Variants in TNFRSF10D observed in about 807,000 individuals in gnomAD.
TNFRSF10D encodes tumor necrosis factor receptor superfamily member 10D.
In TNFRSF10D, 28 loss-of-function variants were observed where a neutral mutation model predicts 42.1. The observed-to-expected ratio is 0.66, with a 90% CI of 0.49 to 0.91. The LOEUF is 0.91. Ranked by LOEUF, TNFRSF10D falls within the 40% of genes least tolerant of loss-of-function variation. The probability of loss-of-function intolerance (pLI) is 0.00; values close to 1 mark genes in which losing one functional copy is unlikely to be tolerated. For synonymous variants in TNFRSF10D, 186 were observed against 189.4 expected (o/e 0.98, Z 0.15); for missense variants, 503 against 486.1 (o/e 1.03, Z -0.33).
intron 1 of TNFRSF10D, among the ~76,000 whole-genome samples, chr8:23,157,510 C>G (rs112359338): frequency 5.5e-3 from 833 of 151,992 alleles, no homozygotes; most frequent in African/African-American, 0.017. Flanking sequence ...AGAAAGGAAT[C>G]AGTGTTCAGT....
At chr8:23,149,768 A>G (rs951853733) in intron 2 of TNFRSF10D, among the ~76,000 whole-genome samples, 47 of 151,970 alleles carry the variant, frequency 3.1e-4, no homozygotes, top group African/African-American at 1.1e-3. Context: ...ATCCCTGTCC[A>G]GCTTTGGAGA....
intron 1 of TNFRSF10D, among the ~76,000 whole-genome samples, chr8:23,158,989 T>C (rs528091135): frequency 5.2e-3 from 796 of 151,960 alleles, no homozygotes; most frequent in African/African-American, 0.016. Context: ...TCCCCAGCAA[T>C]GCTTCTTCTG....
intron 7 of TNFRSF10D, among the ~76,000 whole-genome samples, chr8:23,141,375 C>T (rs574542259): frequency 2.0e-5 from 3 of 151,874 alleles, no homozygotes; most frequent in East Asian, 1.9e-4. Flanking sequence ...CATGGTGGCA[C>T]GTGCCTGCAA....
rs758621384 is a variant in TNFRSF10D, at chr8:23,145,099, A to C, written c.737-10T>G. On this transcript the variant is annotated splice_polypyrimidine_tract_variant and intron_variant, in intron 5 of 8. Coordinates refer to ENST00000312584, the MANE Select transcript of TNFRSF10D (RefSeq NM_003840.5). ...GGACCTCCTCCACCACCTGGAAAAG[A>C]AGCAGTCTCCTGAGCAGGCGGGGAG... The C allele has an allele frequency of 3.1e-6, 5 of 1,614,028 alleles. No homozygotes were observed. Among genetic ancestry groups the C allele is most frequent in the South Asian group, 1.1e-5 (1 of 91,086 alleles).
chr8:23,152,344 G>A (rs951999674), intron 2 of TNFRSF10D, among the ~76,000 whole-genome samples: 1 of 152,104 alleles, frequency 6.6e-6, no homozygotes, highest in African/African-American at 2.4e-5. Context: ...AGAGAGAGAG[G>A]ACCCGTGGGA....
At chr8:23,161,927 G>A (rs1339721801) in intron 1 of TNFRSF10D, among the ~76,000 whole-genome samples, 1 of 152,224 alleles carries the variant, frequency 6.6e-6, no homozygotes, top group Non-Finnish European at 1.5e-5. Context: ...GCATGGACAT[G>A]TGGACACACG....
chr8:23,139,911 C>T lies in TNFRSF10D; in HGVS notation c.955-1651G>A, dbSNP rs563420098. ...CTGTAATCCCAGCACTTTGGGAGGC[C>T]GAGGCAGGCGGATCACGATGTCAAG... On this transcript the variant is annotated intron_variant, in intron 7 of 8. Coordinates refer to ENST00000312584, the MANE Select transcript of TNFRSF10D (RefSeq NM_003840.5). 4.1e-4 allele frequency among the ~76,000 whole-genome samples: 63 copies of T among 152,242 alleles called. 1 individual carries two copies. The South Asian group carries it at 0.011, about 26-fold the overall frequency.
chr8:23,154,339 T>G (rs1233804854), intron 2 of TNFRSF10D, among the ~76,000 whole-genome samples: 1 of 152,236 alleles, frequency 6.6e-6, no homozygotes, highest in Non-Finnish European at 1.5e-5. Context: ...TGTTGTACAG[T>G]CCTGCCTTCT....
intron 7 of TNFRSF10D, among the ~76,000 whole-genome samples, chr8:23,140,104 A>G (rs972102628): frequency 9.2e-5 from 14 of 152,216 alleles, no homozygotes; most frequent in African/African-American, 2.9e-4. Context: ...CCTGGCTAAC[A>G]CGGTGAAACC....
intron 3 of TNFRSF10D, 38 bp from the exon 4 acceptor site, chr8:23,147,110 CTGACA>C: frequency 6.4e-7 from 1 of 1,559,372 alleles, no homozygotes; most frequent in Non-Finnish European, 8.8e-7. Flanking sequence ...ATGTGTTTCC[CTGACA>C]TGTCTGTCCA....
chr8:23,151,630 C>T (rs189023519), intron 2 of TNFRSF10D, among the ~76,000 whole-genome samples: 7 of 151,886 alleles, frequency 4.6e-5, no homozygotes, highest in African/African-American at 1.2e-4. Flanking sequence ...CATAAAAAGA[C>T]GTAAATAATG....
chr8:23,152,697 T>C (rs567957902), intron 2 of TNFRSF10D, among the ~76,000 whole-genome samples: 947 of 152,246 alleles, frequency 6.2e-3, no homozygotes, highest in African/African-American at 0.019. Context: ...AACTGTAAAA[T>C]ATTGATGAAA....
chr8:23,138,704 T>A (rs1249967108), intron 7 of TNFRSF10D, among the ~76,000 whole-genome samples: 1 of 152,166 alleles, frequency 6.6e-6, no homozygotes, highest in Admixed American at 6.5e-5. Flanking sequence ...CTGTAAATGA[T>A]CTTTGATCAT....
chr8:23,148,543 T>A lies in TNFRSF10D; in HGVS notation c.265A>T (p.Arg89Ter). 6.2e-7 allele frequency: 1 copy of A among 1,606,594 alleles called. No individual in the cohort carries two copies. The highest frequency in any genetic ancestry group is 1.1e-5 in the South Asian group (1 of 90,690). ...KEEECPAGSH[R>*]SEYTGACNPC... ...TTACAGGCTCCAGTATATTCTGATC[T>A]ATGAGATCCTGGGAAGGGAGAGAAA... is the stretch of plus-strand genomic sequence containing the variant. The change falls in exon 3 of 9, where the codon AGA becomes TGA. Residue 89 changes from arginine to a stop codon, truncating the protein, a stop_gained. Transcript: ENST00000312584. LOFTEE classifies it high-confidence loss of function.
intron 7 of TNFRSF10D, among the ~76,000 whole-genome samples, chr8:23,142,099 G>A (rs565627503): frequency 3.9e-5 from 6 of 152,142 alleles, no homozygotes; most frequent in East Asian, 1.9e-4. Flanking sequence ...GTGAAACCCC[G>A]TCTCTACTAA....
At chr8:23,153,973 T>C (rs116820300) in intron 2 of TNFRSF10D, among the ~76,000 whole-genome samples, 942 of 152,258 alleles carry the variant, frequency 6.2e-3, no homozygotes, top group African/African-American at 0.019. Context: ...TCAACCTAAG[T>C]GTCCATCGAT....
Position 23,149,930 on chromosome 8 carries a change from C to T in TNFRSF10D, c.257-1379G>A, listed in dbSNP as rs902246201. 8.6e-4 allele frequency among the ~76,000 whole-genome samples: 131 copies of T among 152,286 alleles called. 2 individuals are homozygous for T. Among genetic ancestry groups the T allele is most frequent in the African/African-American group, 2.9e-3 (120 of 41,552 alleles). On this transcript the variant is annotated intron_variant, in intron 2 of 8. Coordinates refer to ENST00000312584, the MANE Select transcript of TNFRSF10D (RefSeq NM_003840.5). Reference sequence around the variant, plus strand: ...TCCCAGAGAAAAGGTTCCACGAGGGCAGGGCCTCTTATAATTATCCCATTA... The same window carrying T: ...TCCCAGAGAAAAGGTTCCACGAGGGTAGGGCCTCTTATAATTATCCCATTA...
rs755747450 is a variant in TNFRSF10D at position 23,154,885 on chromosome 8, T to G, written c.245A>C (p.Glu82Ala). ...QQQRRSLKEE[E>A]CPAGSHRSEY... ...AAATAAGAGTGCACCTGCTGGACAC[T>G]CCTCCTCCTTGAGGCTGCGCCTCTG... Residue 82 changes from glutamate (E) to alanine (A), a missense_variant, in exon 2 of 9, where the codon GAG becomes GCG. Coordinates refer to ENST00000312584, the MANE Select transcript of TNFRSF10D (RefSeq NM_003840.5). 3 of 1,613,592 alleles carry G rather than the reference T, an allele frequency of 1.9e-6. No homozygotes were observed. The highest frequency in any genetic ancestry group is 1.7e-6 in the Non-Finnish European group (2 of 1,179,740).
chr8:23,148,263 A>C (rs1347136329), intron 3 of TNFRSF10D, among the ~76,000 whole-genome samples, 175 bp downstream of exon 3: 2 of 151,392 alleles, frequency 1.3e-5, no homozygotes, highest in Non-Finnish European at 2.9e-5. Flanking sequence ...ATAAAAGAAA[A>C]GAAAAAAAAG....
Sources: allele counts gnomAD v4.1 joint callset (sites outside exome capture counted in the v4.1 genomes callset), GRCh38; gene constraint gnomAD v4.1.1; transcripts MANE v1.5; gene names NCBI Gene and HGNC (gene_info 2026-07-23, HGNC 2026-07-21).